The following KLHL2 variants were observed in gnomAD, a reference collection of about 807,000 sequenced individuals.
KLHL2 encodes the protein kelch-like protein 2.
In KLHL2, 15 loss-of-function variants were observed where a neutral mutation model predicts 75.8. That is an observed-to-expected ratio of 0.20 (90% CI 0.13 to 0.30). KLHL2 has a LOEUF of 0.30. KLHL2 is among the 10% of genes least tolerant of loss of function. KLHL2 has a pLI of 1.00. For synonymous variants in KLHL2, 214 were observed against 251.9 expected, an observed-to-expected ratio of 0.85 and a Z score of 1.42; for missense variants, 381 against 741.0, an observed-to-expected ratio of 0.51 and a Z score of 5.64.
At chr4:165,217,519 C>A (rs1312169618) in intron 1 of KLHL2, among the ~76,000 whole-genome samples, 1 of 152,180 alleles carries the variant, frequency 6.6e-6, no homozygotes, top group Non-Finnish European at 1.5e-5. Flanking sequence ...TCTCCCACTT[C>A]AGCTGTAGGC....
chr4:165,286,705 G>T (rs1035357263), intron 5 of KLHL2, among the ~76,000 whole-genome samples: 1 of 152,206 alleles, frequency 6.6e-6, no homozygotes, highest in Non-Finnish European at 1.5e-5. Flanking sequence ...GCATCAGCAC[G>T]CAGAGGCTTC....
At chr4:165,209,326 A>G (rs950528378) in intron 1 of KLHL2, 4 of 152,230 alleles carry the variant, frequency 2.6e-5, no homozygotes, top group African/African-American at 9.7e-5. Flanking sequence ...TATTTAGCCA[A>G]CATATGGTAT....
At chr4:165,257,428 T>C (rs1165965630) in intron 4 of KLHL2, among the ~76,000 whole-genome samples, 1 of 152,240 alleles carries the variant, frequency 6.6e-6, no homozygotes, top group African/African-American at 2.4e-5. Context: ...ATTTCCTGCA[T>C]GCTTCCAGAC....
chr4:165,239,264 C>CT (rs60521648), intron 4 of KLHL2, among the ~76,000 whole-genome samples: 3,027 of 134,824 alleles, frequency 0.022, 66 homozygotes, highest in African/African-American at 0.044. Flanking sequence ...TTATTTCTGT[C>CT]TTTTTTTTTT....
At chr4:165,234,235 C>A (rs936231897) in intron 3 of KLHL2, among the ~76,000 whole-genome samples, 2 of 152,130 alleles carry the variant, frequency 1.3e-5, no homozygotes, top group East Asian at 3.8e-4. Context: ...ACTGAAAATG[C>A]CTGTGTGTCA....
Position 165,297,673 on chromosome 4 carries a change from G to A in KLHL2, c.719G>A (p.Arg240Gln), listed in dbSNP as rs759487456. The change falls in exon 7 of 15, where the codon CGA becomes CAA. Residue 240 changes from arginine to glutamine, a missense_variant. Transcript: ENST00000226725. ...DKDVRQEFMA[R>Q]LMEHVRLPLL... is the part of the protein sequence containing the mutation. ...GATGTGAGGCAAGAGTTTATGGCCC[G>A]ACTGATGGAACATGTACGGTTACCT... is the stretch of plus-strand genomic sequence containing the variant. The A allele has an allele frequency of 1.2e-5, 19 of 1,613,850 alleles. No homozygotes were observed. Among genetic ancestry groups the A allele is most frequent in the East Asian group, 2.2e-5 (1 of 44,890 alleles).
At chr4:165,221,558 T>C (rs1737997796) in intron 2 of KLHL2, among the ~76,000 whole-genome samples, 1 of 152,140 alleles carries the variant, frequency 6.6e-6, no homozygotes. Flanking sequence ...GGAGGGGCCA[T>C]TGGACTGAGG....
chr4:165,221,677 G>A (rs1462039887), intron 2 of KLHL2, among the ~76,000 whole-genome samples: 1 of 152,216 alleles, frequency 6.6e-6, no homozygotes, highest in Non-Finnish European at 1.5e-5. Context: ...ACTGGCTGCT[G>A]GGTGGAGAAT....
At chr4:165,278,565 C>T (rs1221703387) in intron 5 of KLHL2, 11 of 1,610,994 alleles carry the variant, frequency 6.8e-6, no homozygotes, top group Middle Eastern at 3.4e-4. Flanking sequence ...AATGCTGGGA[C>T]GAAGTAGCAG....
At chr4:165,320,506 C>T (rs985098573) in intron 14 of KLHL2, among the ~76,000 whole-genome samples, 1 of 152,142 alleles carries the variant, frequency 6.6e-6, no homozygotes, top group Non-Finnish European at 1.5e-5. Context: ...TAGAAGTGGT[C>T]TACTTGCCCC....
chr4:165,256,005 C>T (rs1741137251), intron 4 of KLHL2, among the ~76,000 whole-genome samples: 1 of 151,848 alleles, frequency 6.6e-6, no homozygotes, highest in Non-Finnish European at 1.5e-5. Context: ...AAATAAACTA[C>T]AGATCCTAAT....
chr4:165,221,606 A>G (rs531919757), intron 2 of KLHL2, among the ~76,000 whole-genome samples: 13 of 152,202 alleles, frequency 8.5e-5, no homozygotes, highest in Non-Finnish European at 1.9e-4. Flanking sequence ...TTGCCTTGAG[A>G]GAAAGCCAGT....
At chr4:165,289,688 A>C (rs926645782) in intron 5 of KLHL2, among the ~76,000 whole-genome samples, 5 of 152,134 alleles carry the variant, frequency 3.3e-5, no homozygotes, top group Admixed American at 2.6e-4. Flanking sequence ...TTTTGGATAG[A>C]GTTTACTAAT....
Position 165,231,630 on chromosome 4 carries a change from T to A in KLHL2, c.259+2717T>A, listed in dbSNP as rs146822600. Among the ~76,000 whole-genome samples the A allele has an allele frequency of 1.5e-3, 231 of 152,350 alleles. 1 individual carries two copies. The highest frequency in any genetic ancestry group is 1.4e-3 in the Non-Finnish European group (96 of 68,034). ...ATTGCTAAATAGCATTCTCTGTGGA[T>A]AGACTGCTTTTGACTTTCCATTTAC... On this transcript the variant is annotated intron_variant, in intron 3 of 14. Transcript: ENST00000226725.
At chr4:165,304,805 G>A (rs1745602310) in intron 8 of KLHL2, among the ~76,000 whole-genome samples, 1 of 152,126 alleles carries the variant, frequency 6.6e-6, no homozygotes, top group South Asian at 2.1e-4. Context: ...TACTTCATAA[G>A]TCTTGTCTCC....
At chr4:165,264,893 G>A (rs1424699222) in intron 5 of KLHL2, among the ~76,000 whole-genome samples, 1 of 150,410 alleles carries the variant, frequency 6.6e-6, no homozygotes, top group Non-Finnish European at 1.5e-5. Context: ...TTTCCTTTAG[G>A]TAGATACTCG....
In KLHL2 at chr4:165,207,769, G is replaced by A. The variant is rs1380103982; in HGVS notation, c.-108G>A. 4 of 1,001,720 alleles carry A rather than the reference G, an allele frequency of 4.0e-6. No homozygotes were observed. The highest frequency in any genetic ancestry group is 3.5e-5 in the South Asian group (2 of 56,462). The allele number at this position is 1,001,720 out of a possible 1,614,324, so 62.1% of individuals were successfully genotyped here. On this transcript the variant is annotated 5_prime_UTR_variant, in exon 1 of 15. Coordinates refer to ENST00000226725, the MANE Select transcript of KLHL2 (RefSeq NM_007246.4). The surrounding 1 kb of genome is among the most constrained non-coding windows in gnomAD (Gnocchi z 4.2). ...TGAGGAGAGCGCGGCGCCCCCTCCG[G>A]GGCGGATGGAACGCGGCTCGGCGGG...
chr4:165,225,420 T>G (rs886993106), intron 2 of KLHL2, among the ~76,000 whole-genome samples: 3 of 152,214 alleles, frequency 2.0e-5, no homozygotes, highest in Non-Finnish European at 2.9e-5. Flanking sequence ...CAGTCCTTGA[T>G]AAGTGAATGA....
At chr4:165,262,992 T>C (rs1348929007) in intron 4 of KLHL2, among the ~76,000 whole-genome samples, 1 of 152,146 alleles carries the variant, frequency 6.6e-6, no homozygotes, top group Non-Finnish European at 1.5e-5. Flanking sequence ...GAAGAGGCCT[T>C]TGAAAGATTA....
Sources: allele counts gnomAD v4.1 joint callset (sites outside exome capture counted in the v4.1 genomes callset), GRCh38; gene constraint gnomAD v4.1.1; non-coding constraint Gnocchi (gnomAD v3.1); transcripts MANE v1.5; gene names NCBI Gene and HGNC (gene_info 2026-07-23, HGNC 2026-07-21).